PDE4DIP: variants seen among roughly 807,000 people sequenced by gnomAD.
PDE4DIP encodes the protein phosphodiesterase 4D interacting protein, also known as myomegalin.
A neutral mutation model predicts 221.4 loss-of-function variants in PDE4DIP; 59 were observed. The observed-to-expected ratio is 0.27, with a 90% CI of 0.22 to 0.33. PDE4DIP has a LOEUF of 0.33. PDE4DIP is among the 10% of genes least tolerant of loss of function. The pLI, the probability that PDE4DIP is intolerant of heterozygous loss-of-function variation, is 1.00. For synonymous variants in PDE4DIP, 404 were observed against 815.9 expected, an observed-to-expected ratio of 0.50 and a Z score of 8.60; for missense variants, 1,036 against 2,154.2, an observed-to-expected ratio of 0.48 and a Z score of 10.28.
exon 41 of PDE4DIP, chr1:149,028,613 C>T (rs1553632467): frequency 1.2e-6 from 2 of 1,609,192 alleles, no homozygotes; most frequent in South Asian, 2.2e-5. Flanking sequence ...GTGCCCTGCA[C>T]CATGCCCTAG....
intron 1 of PDE4DIP, among the ~76,000 whole-genome samples, chr1:148,912,039 C>T (rs1203143917): frequency 1.4e-5 from 2 of 146,432 alleles, no homozygotes; most frequent in East Asian, 3.9e-4. Flanking sequence ...GGCACAAACA[C>T]CAAGAGGCGG....
intron 5 of PDE4DIP, chr1:148,953,042 C>T (rs377731461): frequency 1.9e-6 from 3 of 1,614,192 alleles, no homozygotes; most frequent in East Asian, 2.2e-5. Flanking sequence ...GGAGAAGGAT[C>T]GCCTCAAGTT....
intron 1 of PDE4DIP, among the ~76,000 whole-genome samples, chr1:148,924,137 A>G (rs868940378): frequency 3.4e-4 from 52 of 152,282 alleles, no homozygotes; most frequent in African/African-American, 1.1e-3. Context: ...CGGGATGCCA[A>G]TGTTGCAGTA....
At chr1:148,816,850 CAACAACAGAGCATTA>C (rs1373690698) in intron 1 of PDE4DIP, among the ~76,000 whole-genome samples, 5 of 60,488 alleles carry the variant, frequency 8.3e-5, no homozygotes, top group Non-Finnish European at 1.5e-4. Flanking sequence ...TTCAAGTCAT[CAACAACAGAGCATTA>C]AACCAAGCCA....
intron 21 of PDE4DIP, chr1:148,990,479 C>G (rs879986024): frequency 3.2e-6 from 1 of 308,506 alleles, no homozygotes; most frequent in Non-Finnish European, 4.7e-6. Context: ...ACAGAAGGTT[C>G]TTTGGTCTTG....
intron 1 of PDE4DIP, among the ~76,000 whole-genome samples, chr1:148,926,720 A>T (rs2046793095): frequency 6.6e-6 from 1 of 151,914 alleles, no homozygotes; most frequent in African/African-American, 2.4e-5. Flanking sequence ...AATTGAATGC[A>T]TATTCCTTCA....
At chr1:148,918,437 C>T (rs371301780) in intron 1 of PDE4DIP, among the ~76,000 whole-genome samples, 818 of 98,832 alleles carry the variant, frequency 8.3e-3, no homozygotes, top group Middle Eastern at 0.051. Context: ...TGTAAATTCT[C>T]TGAAGACTGT....
At chr1:149,023,672 ATATATG>A (rs2073952588) in intron 37 of PDE4DIP, among the ~76,000 whole-genome samples, 1 of 120,328 alleles carries the variant, frequency 8.3e-6, no homozygotes, top group Non-Finnish European at 1.7e-5. Context: ...GTGTGCACAT[ATATATG>A]TACATGTATA....
At chr1:149,022,992 G>A (rs2073575805) in intron 37 of PDE4DIP, among the ~76,000 whole-genome samples, 2 of 152,292 alleles carry the variant, frequency 1.3e-5, no homozygotes, top group African/African-American at 4.8e-5. Context: ...GAGAAGTTGG[G>A]TTGAGAAAGA....
chr1:148,862,349 G>GTATT (rs1249023821), intron 1 of PDE4DIP, among the ~76,000 whole-genome samples: 13 of 147,862 alleles, frequency 8.8e-5, no homozygotes, highest in African/African-American at 3.2e-4. Context: ...GGCTTGAGAA[G>GTATT]TATTTGTTGA....
chr1:148,907,009 A>G (rs1553450901), intron 1 of PDE4DIP, among the ~76,000 whole-genome samples: 2 of 151,520 alleles, frequency 1.3e-5, no homozygotes, highest in African/African-American at 4.9e-5. Context: ...AGATCGCGCC[A>G]TTGCACTCCA....
chr1:148,816,992 GT>G (rs1198683362), intron 1 of PDE4DIP, among the ~76,000 whole-genome samples: 1 of 99,746 alleles, frequency 1.0e-5, no homozygotes, highest in East Asian at 4.7e-4. Flanking sequence ...CTTTAAAGAT[GT>G]TGCTCTGTTG....
chr1:148,924,789 G>C (rs868934960), intron 1 of PDE4DIP, among the ~76,000 whole-genome samples: 34 of 151,334 alleles, frequency 2.2e-4, no homozygotes, highest in Middle Eastern at 3.5e-3. Flanking sequence ...AGAAGACTTG[G>C]TGATAAAATA....
chr1:148,820,717 G>A lies in PDE4DIP; in HGVS notation c.233+11980G>A, dbSNP rs1359949091. ...GACAATAACCCTACTTTTTTTTTGG[G>A]GGGGGGGTGGCTAGAATTGTCTTCT... On this transcript the variant is annotated intron_variant, in intron 1 of 45. Transcript: ENST00000524974. 4.7e-5 allele frequency among the ~76,000 whole-genome samples: 7 copies of A among 148,818 alleles called. 1 individual carries two copies. In the South Asian group the frequency reaches 6.4e-4, roughly 14 times the overall value.
Position 149,007,336 on chromosome 1 carries a change from A to G in PDE4DIP, c.4551A>G (p.Leu1517=), listed in dbSNP as rs144630849. The change falls in exon 28 of 44, where the codon CTA becomes CTG. Residue 1517 remains leucine (L), a synonymous_variant. Coordinates refer to ENST00000369354, the Ensembl canonical transcript of PDE4DIP. The stretch of plus-strand genomic sequence containing the variant: ...CAGTAAAATCTTTTGAGGATCTCCT[A>G]AGGAGCAATGACATTGACTACTACC... 4.4e-4 allele frequency: 639 copies of G among 1,462,518 alleles called. 2 individuals are homozygous for G. Among genetic ancestry groups the G allele is most frequent in the South Asian group, 2.3e-3 (201 of 87,738 alleles). 90.6% of individuals were successfully genotyped at this position (1,462,518 alleles called of 1,614,324 possible). A position where few individuals can be genotyped will look rare whatever the true frequency, so the allele number is the denominator to read the frequency against.
chr1:148,929,426 T>A, intron 2 of PDE4DIP, 153 bp downstream of exon 5: 1 of 1,157,446 alleles, frequency 8.6e-7, no homozygotes, highest in South Asian at 1.6e-5. Flanking sequence ...TATGCTGTGT[T>A]TCCCTTGGGC....
chr1:148,990,226 C>G, intron 21 of PDE4DIP: 1 of 984,796 alleles, frequency 1.0e-6, no homozygotes, highest in Non-Finnish European at 1.2e-6. Flanking sequence ...CATTTTAATT[C>G]AAATTGGTAA....
intron 1 of PDE4DIP, among the ~76,000 whole-genome samples, chr1:148,917,160 G>T (rs1778638): frequency 0.27 from 38,844 of 141,572 alleles, 2,261 homozygotes; most frequent in East Asian, 0.4. Flanking sequence ...TTTTCTCACT[G>T]GCCAGCTCAG....
At chr1:148,981,474 T>C (rs782127627) in intron 21 of PDE4DIP, 77 bp downstream of exon 24, 586 of 1,579,214 alleles carry the variant, frequency 3.7e-4, no homozygotes, top group Non-Finnish European at 4.7e-4. Flanking sequence ...CAGCCCAGGA[T>C]GGAAAACCTT....
Sources: gnomAD v4.1 joint callset for allele counts (sites outside exome capture counted in the v4.1 genomes callset) on GRCh38, gnomAD v4.1.1 for gene constraint, MANE v1.5 for transcripts, NCBI Gene and HGNC (gene_info 2026-07-23, HGNC 2026-07-21) for gene names.